LSAMP: variants seen among roughly 807,000 people sequenced by gnomAD.
The protein encoded by LSAMP is limbic system-associated membrane protein.
A neutral mutation model predicts 38.6 loss-of-function variants in LSAMP; 7 were observed. The observed-to-expected ratio is 0.18, with a 90% CI of 0.10 to 0.34. The LOEUF (loss-of-function observed/expected upper bound fraction) is 0.34, where lower values mean the gene tolerates loss of function less well. Ranked by LOEUF, LSAMP falls within the 10% of genes least tolerant of loss-of-function variation. The pLI is 1.00. For missense variants in LSAMP, 313 were observed against 420.0 expected (o/e 0.75, Z 2.23); for synonymous variants, 154 against 166.8 (o/e 0.92, Z 0.59).
At chr3:116,305,226 C>G (rs550460912) in intron 1 of LSAMP, among the ~76,000 whole-genome samples, 1 of 152,168 alleles carries the variant, frequency 6.6e-6, no homozygotes, top group South Asian at 2.1e-4. Context: ...TTTATTGGAA[C>G]AGCTGGTAGA....
At chr3:116,306,263 G>T (rs1035444636) in intron 1 of LSAMP, among the ~76,000 whole-genome samples, 16 of 152,056 alleles carry the variant, frequency 1.1e-4, no homozygotes, top group African/African-American at 3.4e-4. Context: ...AGGATGAAAG[G>T]GTGAATAAAA....
chr3:115,840,195 G>T (rs868574455), intron 6 of LSAMP, among the ~76,000 whole-genome samples: 13 of 152,082 alleles, frequency 8.5e-5, no homozygotes, highest in African/African-American at 2.9e-4. Flanking sequence ...ATATGTAATT[G>T]CTTGCTTTCT....
intron 1 of LSAMP, among the ~76,000 whole-genome samples, chr3:116,400,101 T>A (rs750497923): frequency 3.4e-4 from 52 of 152,214 alleles, no homozygotes; most frequent in Non-Finnish European, 5.7e-4. Flanking sequence ...TCTACAAATC[T>A]AAAAAACCCC....
At chr3:116,430,553 C>A (rs2049266808) in intron 1 of LSAMP, among the ~76,000 whole-genome samples, 1 of 151,972 alleles carries the variant, frequency 6.6e-6, no homozygotes, top group South Asian at 2.1e-4. Flanking sequence ...AAAGCCATTC[C>A]ATTTGGCAGA....
chr3:116,387,893 AC>A (rs1462719495), intron 1 of LSAMP, among the ~76,000 whole-genome samples: 1 of 151,854 alleles, frequency 6.6e-6, no homozygotes, highest in Non-Finnish European at 1.5e-5. Context: ...GGAGATGGAG[AC>A]CATCCTGGCT....
intron 6 of LSAMP, 97 bp downstream of exon 6, chr3:115,841,748 A>T: frequency 7.0e-7 from 1 of 1,434,648 alleles, no homozygotes; most frequent in Non-Finnish European, 9.4e-7. Context: ...ATTTGTTTTT[A>T]AGTGAACTTT....
At chr3:116,097,291 C>T (rs924172790) in intron 1 of LSAMP, among the ~76,000 whole-genome samples, 2 of 152,232 alleles carry the variant, frequency 1.3e-5, no homozygotes, top group Middle Eastern at 3.4e-3. Flanking sequence ...AAGAAATGCT[C>T]GCAATAAACC....
chr3:115,942,349 A>G (rs961547950), intron 3 of LSAMP, among the ~76,000 whole-genome samples: 2 of 152,152 alleles, frequency 1.3e-5, no homozygotes, highest in African/African-American at 4.8e-5. Flanking sequence ...CTCATCACCA[A>G]CGGTCATAAT....
At chr3:116,112,468 T>C (rs182245067) in intron 1 of LSAMP, among the ~76,000 whole-genome samples, 1 of 152,270 alleles carries the variant, frequency 6.6e-6, no homozygotes, top group African/African-American at 2.4e-5. Context: ...ATAAAACTAA[T>C]AAATGATCTA....
chr3:116,241,239 G>C (rs1050022876), intron 1 of LSAMP, among the ~76,000 whole-genome samples: 1 of 149,612 alleles, frequency 6.7e-6, no homozygotes, highest in East Asian at 2.0e-4. Flanking sequence ...TCCTGTCCAA[G>C]GTTTCATGTA....
At chr3:116,348,522 A>AT (rs1327645723) in intron 1 of LSAMP, among the ~76,000 whole-genome samples, 1 of 152,254 alleles carries the variant, frequency 6.6e-6, no homozygotes, top group East Asian at 1.9e-4. Context: ...AGGAATAGGC[A>AT]TTTTTTAAAT....
intron 1 of LSAMP, among the ~76,000 whole-genome samples, chr3:116,251,968 T>C (rs971688908): frequency 4.6e-5 from 7 of 152,214 alleles, no homozygotes; most frequent in Non-Finnish European, 8.8e-5. Flanking sequence ...AAGAGGCCAA[T>C]GTTTATTAAA....
intron 3 of LSAMP, among the ~76,000 whole-genome samples, chr3:115,913,452 C>T (rs1223165061): frequency 2.6e-5 from 4 of 152,138 alleles, no homozygotes; most frequent in African/African-American, 9.7e-5. Context: ...TTGAATGCAC[C>T]ACAGGGTAGA....
chr3:116,403,773 C>T (rs369165003), intron 1 of LSAMP, among the ~76,000 whole-genome samples: 17 of 150,768 alleles, frequency 1.1e-4, no homozygotes, highest in African/African-American at 3.9e-4. Flanking sequence ...AAAAAAAGGA[C>T]AGGGTCACAT....
At chr3:116,012,627 A>C (rs1169467475) in intron 3 of LSAMP, among the ~76,000 whole-genome samples, 1 of 152,146 alleles carries the variant, frequency 6.6e-6, no homozygotes, top group Admixed American at 6.6e-5. Flanking sequence ...GTAATATAAG[A>C]TGTAAAATAT....
chr3:116,131,209 T>C (rs1709125292), intron 1 of LSAMP, among the ~76,000 whole-genome samples: 1 of 152,018 alleles, frequency 6.6e-6, no homozygotes, highest in Non-Finnish European at 1.5e-5. Context: ...GCCAGGATGG[T>C]CTCGATCTCC....
chr3:116,406,573 C>T (rs891273709), intron 1 of LSAMP, among the ~76,000 whole-genome samples: 2 of 151,872 alleles, frequency 1.3e-5, no homozygotes, highest in Non-Finnish European at 2.9e-5. Context: ...CCACTTAAAC[C>T]TCACAATTTT....
At chr3:116,314,413 A>T (rs1461253957) in intron 1 of LSAMP, among the ~76,000 whole-genome samples, 1 of 152,220 alleles carries the variant, frequency 6.6e-6, no homozygotes, top group Non-Finnish European at 1.5e-5. Context: ...GGCTGGTGGG[A>T]AAGACAGATG....
intron 1 of LSAMP, among the ~76,000 whole-genome samples, chr3:116,282,109 C>A (rs1474897541): frequency 1.3e-5 from 2 of 152,142 alleles, no homozygotes; most frequent in Admixed American, 1.3e-4. Flanking sequence ...TGGTAAACTT[C>A]CATGCTCGGA....
Sources: gnomAD v4.1 joint callset for allele counts (sites outside exome capture counted in the v4.1 genomes callset) on GRCh38, gnomAD v4.1.1 for gene constraint, MANE v1.5 for transcripts, NCBI Gene and HGNC (gene_info 2026-07-23, HGNC 2026-07-21) for gene names.